Variants in TG observed in about 807,000 individuals in gnomAD.
TG encodes the protein thyroglobulin.
TG carries 270 observed loss-of-function variants against 324.7 expected under a neutral mutation model. The observed-to-expected ratio is 0.83, with a 90% confidence interval of 0.75 to 0.92. TG has a LOEUF of 0.92. Ranked by LOEUF, TG falls within the 40% of genes least tolerant of loss-of-function variation. The pLI is 0.00. For missense variants in TG, 3,591 were observed against 3,456.4 expected (o/e 1.04, Z -0.98); for synonymous variants, 1,401 against 1,327.0 (o/e 1.06, Z -1.21).
intron 41 of TG, chr8:133,038,257 C>T: frequency 4.0e-6 from 2 of 498,388 alleles, no homozygotes; most frequent in Non-Finnish European, 7.3e-6. Context: ...TGTGTGCATA[C>T]ATACATGCTG....
At chr8:133,029,714 AGAGCCCCTGGC>A in intron 40 of TG, 96 bp from the exon 41 acceptor site, 1 of 1,364,484 alleles carries the variant, frequency 7.3e-7, no homozygotes, top group Non-Finnish European at 1.0e-6. Flanking sequence ...ACAAGAGCCC[AGAGCCCCTGGC>A]GGGGCCGCAT....
chr8:132,905,943 C>T (rs1818612760), intron 16 of TG, among the ~76,000 whole-genome samples: 1 of 152,038 alleles, frequency 6.6e-6, no homozygotes, highest in African/African-American at 2.4e-5. Context: ...AACAGATATT[C>T]CTGGAGGCAT....
chr8:133,088,736 C>T (rs1405883971), intron 41 of TG, among the ~76,000 whole-genome samples: 1 of 152,162 alleles, frequency 6.6e-6, no homozygotes, highest in Non-Finnish European at 1.5e-5. Flanking sequence ...ATGTCTATAC[C>T]AACAGGTAGT....
intron 35 of TG, chr8:133,002,988 G>A (rs2130842588): frequency 9.8e-7 from 1 of 1,020,074 alleles, no homozygotes. Flanking sequence ...AGATTCACAT[G>A]TACCTGGCCA....
At chr8:132,995,345 T>C (rs1224542968) in intron 35 of TG, 40 of 985,032 alleles carry the variant, frequency 4.1e-5, no homozygotes, top group Non-Finnish European at 4.8e-5. Context: ...CTGCTCCTGC[T>C]CCTGCAGAGA....
At chr8:133,106,918 G>A (rs754795419) in intron 43 of TG, among the ~76,000 whole-genome samples, 22 of 152,184 alleles carry the variant, frequency 1.4e-4, no homozygotes, top group Non-Finnish European at 3.1e-4. Flanking sequence ...TTGAAGGGAC[G>A]GTAGGATGAA....
rs775922636 is a variant in TG at position 132,886,461 on chromosome 8, T to C, written c.1089T>C (p.Ser363=). The C allele has an allele frequency of 6.2e-7, 1 of 1,614,214 alleles. No individual in the cohort carries two copies. Among genetic ancestry groups the C allele is most frequent in the South Asian group, 1.1e-5 (1 of 91,084 alleles). Residue 363 remains serine, a synonymous_variant, in exon 9 of 48, where the codon TCT becomes TCC. Coordinates refer to ENST00000220616, the MANE Select transcript of TG (RefSeq NM_003235.5). Reference sequence around the variant, plus strand: ...TGTCTCATGCAGCTGAAGGCCAATCTTGTGCCTCCGAAAGGCAGCAGGCCT... The same window carrying C: ...TGTCTCATGCAGCTGAAGGCCAATCCTGTGCCTCCGAAAGGCAGCAGGCCT... ...GEPPSCAEGQ[S]CASERQQALS...
chr8:133,045,167 G>T, intron 41 of TG: 1 of 1,605,122 alleles, frequency 6.2e-7, no homozygotes, highest in Non-Finnish European at 8.5e-7. Flanking sequence ...TCACCCCAAG[G>T]CACCCAGCTA....
intron 41 of TG, among the ~76,000 whole-genome samples, chr8:133,054,713 A>G (rs1032883487): frequency 6.6e-6 from 1 of 152,264 alleles, no homozygotes; most frequent in Non-Finnish European, 1.5e-5. Flanking sequence ...GATGAAATTC[A>G]AAAGACCAAA....
Position 132,882,977 on chromosome 8 carries a change from G to A in TG, c.1053G>A (p.Gln351=). 3.7e-6 allele frequency: 6 copies of A among 1,614,004 alleles called. No individual in the cohort carries two copies. Among genetic ancestry groups the A allele is most frequent in the Non-Finnish European group, 5.1e-6 (6 of 1,179,952 alleles). ...GGAAGGAAATGCATGGAACCCGGCA[G>A]CAAGGGGAGCCGCCATCTTGTGGTG... ...AQGKEMHGTR[Q]QGEPPSCAEG... The change falls in exon 8 of 48, where the codon CAG becomes CAA. Residue 351 remains glutamine, a synonymous_variant. Transcript: ENST00000220616.
At chr8:132,914,016 C>CA (rs1327295762) in intron 20 of TG, among the ~76,000 whole-genome samples, 1 of 152,198 alleles carries the variant, frequency 6.6e-6, no homozygotes, top group Non-Finnish European at 1.5e-5. Flanking sequence ...AAACCAGCAA[C>CA]ATTTCAGCTC....
intron 26 of TG, among the ~76,000 whole-genome samples, chr8:132,946,305 T>G (rs1322338809): frequency 1.3e-5 from 2 of 152,204 alleles, no homozygotes; most frequent in Non-Finnish European, 2.9e-5. Context: ...AAATCCTTTT[T>G]TTCCATGATA....
rs771151135 is a variant in TG at position 132,893,412 on chromosome 8, TGTG to T, written c.2762-274_2762-272del. On this transcript the variant is annotated intron_variant, in intron 10 of 47. Coordinates refer to ENST00000220616, the MANE Select transcript of TG (RefSeq NM_003235.5). ...GGGGGGGTGGTGTGTATGTGTGTGG[TGTG>T]GTGTGTGTATGTGTGTGGTGTGTGG... Among the ~76,000 whole-genome samples, 4 of 134,088 alleles carry T rather than the reference TGTG, an allele frequency of 3.0e-5. No individual in the cohort carries two copies. The South Asian group carries it at 7.6e-4, about 25-fold the overall frequency. 88.0% of individuals were successfully genotyped at this position (134,088 alleles called of 152,430 possible). A position where few individuals can be genotyped will look rare whatever the true frequency, so the allele number is the denominator to read the frequency against.
At chr8:133,103,646 G>T (rs898241070) in intron 43 of TG, among the ~76,000 whole-genome samples, 1 of 152,096 alleles carries the variant, frequency 6.6e-6, no homozygotes, top group Non-Finnish European at 1.5e-5. Context: ...AAAGACTTTT[G>T]TGAGTTCCTA....
At chr8:133,063,632 C>A (rs191421835) in intron 41 of TG, 86 of 152,278 alleles carry the variant, frequency 5.6e-4, no homozygotes, top group African/African-American at 2.0e-3. Context: ...CTGGGTTCTT[C>A]TACGCTAACA....
At chr8:132,961,288 G>A (rs78213527) in intron 28 of TG, among the ~76,000 whole-genome samples, 250 of 152,296 alleles carry the variant, frequency 1.6e-3, no homozygotes, top group Non-Finnish European at 2.9e-3. Flanking sequence ...ACCCAAGAAG[G>A]GATGGATAGA....
At chr8:132,914,511 C>A (rs1476156365) in intron 20 of TG, among the ~76,000 whole-genome samples, 1 of 152,214 alleles carries the variant, frequency 6.6e-6, no homozygotes, top group East Asian at 1.9e-4. Flanking sequence ...TTCCCACTAG[C>A]ATTTATGGAG....
At chr8:132,879,414 A>G (rs1460378290) in intron 5 of TG, among the ~76,000 whole-genome samples, 1 of 152,224 alleles carries the variant, frequency 6.6e-6, no homozygotes, top group African/African-American at 2.4e-5. Context: ...GCAGAATCCC[A>G]GTTTTCTCAT....
At chr8:133,055,824 CCAGCAGCAGCAGCAGCAGCAGCAGCAG>C (rs36210010) in intron 41 of TG, among the ~76,000 whole-genome samples, 7 of 150,822 alleles carry the variant, frequency 4.6e-5, no homozygotes, top group African/African-American at 1.2e-4. Context: ...CTCCTCATCA[CCAGCAGCAGCAGCAGCAGCAGCAGCAG>C]CAGCAGCAGC....
Sources: allele counts gnomAD v4.1 joint callset (sites outside exome capture counted in the v4.1 genomes callset), GRCh38; gene constraint gnomAD v4.1.1; transcripts MANE v1.5; gene names NCBI Gene and HGNC (gene_info 2026-07-23, HGNC 2026-07-21).